Variants in AQP4 observed in about 807,000 individuals in gnomAD.
AQP4 encodes the protein aquaporin-4.
Under a neutral mutation model 27.8 loss-of-function variants are expected in AQP4, and 18 were observed. The observed-to-expected ratio is 0.65, with a 90% confidence interval of 0.45 to 0.96. The LOEUF is 0.96. Ranked by LOEUF, AQP4 falls within the 40% of genes least tolerant of loss-of-function variation. The pLI, the probability that AQP4 is intolerant of heterozygous loss-of-function variation, is 0.00. For missense variants in AQP4, 412 were observed against 408.2 expected (o/e 1.01, Z -0.08); for synonymous variants, 141 against 142.9 (o/e 0.99, Z 0.10).
chr18:26,861,719 T>C (rs2054948506), intron 2 of AQP4, among the ~76,000 whole-genome samples: 1 of 152,220 alleles, frequency 6.6e-6, no homozygotes, highest in South Asian at 2.1e-4. Context: ...TCAGCCCTGG[T>C]GCTGAGTTAA....
At chr18:26,862,694 A>G in intron 1 of AQP4, 98 bp from the exon 2 acceptor site, 1 of 1,525,668 alleles carries the variant, frequency 6.6e-7, no homozygotes, top group Non-Finnish European at 9.0e-7. Flanking sequence ...TACTGTGGGC[A>G]GGGGCTGCCA....
Position 26,853,423 on chromosome 18 carries a change from ACT to A in AQP4, c.*2786_*2787del, listed in dbSNP as rs1309000688. On this transcript the variant is annotated 3_prime_UTR_variant, in exon 5 of 5. Transcript: ENST00000383168. ...AGAAAGCCTGAAAGCTTAAAATAAG[ACT>A]CTTTCCCTTTTGTACACTTTTGACA... 1 of 152,064 alleles carries A rather than the reference ACT, an allele frequency of 6.6e-6. No homozygotes were observed. The highest frequency in any genetic ancestry group is 6.6e-5 in the Admixed American group (1 of 15,264). The allele number at this position is 152,064 out of a possible 1,614,324, so 9.4% of individuals were successfully genotyped here.
At chr18:26,860,603 C>T in intron 4 of AQP4, 169 bp downstream of exon 4, 3 of 662,520 alleles carry the variant, frequency 4.5e-6, no homozygotes, top group Non-Finnish European at 8.1e-6. Context: ...CTTTTTACAG[C>T]AGATCTGTGC....
intron 4 of AQP4, among the ~76,000 whole-genome samples, chr18:26,858,359 T>C (rs2054880427): frequency 6.6e-6 from 1 of 152,204 alleles, no homozygotes; most frequent in Non-Finnish European, 1.5e-5. Context: ...TTTTCCACTG[T>C]ACTACACACT....
At chr18:26,865,637 T>C (rs761398010) in intron 1 of AQP4, 21 bp downstream of exon 1, 4 of 1,614,216 alleles carry the variant, frequency 2.5e-6, no homozygotes, top group Non-Finnish European at 3.4e-6. Flanking sequence ...CGTTGTTCCC[T>C]TAAGGCAAAG....
intron 1 of AQP4, 78 bp downstream of exon 1, chr18:26,865,580 C>A: frequency 6.3e-7 from 1 of 1,595,184 alleles, no homozygotes; most frequent in Non-Finnish European, 8.6e-7. Context: ...CCTAAGAAGG[C>A]ACAAACATCT....
chr18:26,860,352 T>C (rs2054919152), intron 4 of AQP4, among the ~76,000 whole-genome samples: 1 of 152,186 alleles, frequency 6.6e-6, no homozygotes, highest in African/African-American at 2.4e-5. Flanking sequence ...AAGTATTTCA[T>C]TCTTTCTCTT....
chr18:26,859,675 C>T (rs992982394), intron 4 of AQP4, among the ~76,000 whole-genome samples: 1 of 152,174 alleles, frequency 6.6e-6, no homozygotes, highest in Non-Finnish European at 1.5e-5. Context: ...AACGCTGACT[C>T]TTATTCTGTT....
chr18:26,862,638 A>G (rs2144970269), intron 1 of AQP4, 42 bp from the exon 2 acceptor site: 1 of 1,613,544 alleles, frequency 6.2e-7, no homozygotes, highest in Non-Finnish European at 8.5e-7. Flanking sequence ...CACTACACCC[A>G]GGTTTATGAA....
chr18:26,859,489 C>G lies in AQP4; in HGVS notation c.693+1283G>C, dbSNP rs544102625. ...CAAGCCGAGATCATGCCACTGCACT[C>G]CAGCCTGGGCAACAGAGCAAGACTC... On this transcript the variant is annotated intron_variant, in intron 4 of 4. Coordinates refer to ENST00000383168, the MANE Select transcript of AQP4 (RefSeq NM_001650.7). 2.0e-5 allele frequency among the ~76,000 whole-genome samples: 3 copies of G among 152,316 alleles called. No individual in the cohort carries two copies. The South Asian group carries it at 6.2e-4, about 32-fold the overall frequency.
chr18:26,858,674 C>CTA (rs1270379309), intron 4 of AQP4, among the ~76,000 whole-genome samples: 1 of 152,180 alleles, frequency 6.6e-6, no homozygotes, highest in Admixed American at 6.5e-5. Flanking sequence ...ATTCCACAGG[C>CTA]TACAAATCCC....
intron 1 of AQP4, chr18:26,862,847 G>A: frequency 2.7e-5 from 15 of 558,982 alleles, no homozygotes; most frequent in South Asian, 1.1e-4. Context: ...TCCCTAGAAA[G>A]GAAAAATGTC....
chr18:26,860,627 G>T, intron 4 of AQP4, 145 bp downstream of exon 4: 1 of 767,792 alleles, frequency 1.3e-6, no homozygotes, highest in Non-Finnish European at 2.3e-6. Flanking sequence ...TCTTTCCCTA[G>T]TCTTTATGAA....
At chr18:26,865,321 A>G (rs2055039415) in intron 1 of AQP4, 1 of 431,600 alleles carries the variant, frequency 2.3e-6, no homozygotes, top group South Asian at 2.3e-5. Context: ...TTCTAGCTGA[A>G]CACTCAGCTT....
chr18:26,859,317 C>T (rs553871824), intron 4 of AQP4, among the ~76,000 whole-genome samples: 6 of 152,080 alleles, frequency 3.9e-5, no homozygotes, highest in South Asian at 2.1e-4. Context: ...GTCAGGAGTT[C>T]GAGACTAGCC....
rs529673995 is a variant in AQP4, at chr18:26,852,153, A to T, written c.*4058T>A. On this transcript the variant is annotated 3_prime_UTR_variant, in exon 5 of 5. Coordinates refer to ENST00000383168, the MANE Select transcript of AQP4 (RefSeq NM_001650.7). ...CTAATACTTTAATATATTATTCCAA[A>T]TATTAGACGTTACAGTTTAAATCTT... is the stretch of plus-strand genomic sequence containing the variant. The T allele has an allele frequency of 6.6e-6, 1 of 152,226 alleles. No homozygotes were observed. Among genetic ancestry groups the T allele is most frequent in the Non-Finnish European group, 1.5e-5 (1 of 68,042 alleles). 9.4% of individuals were successfully genotyped at this position (152,226 alleles called of 1,614,324 possible).
rs1378223458 is a variant in AQP4 at position 26,854,023 on chromosome 18, T to TTAA, written c.*2185_*2187dup. ...CTCAAATGAGATTTATATATTTTTA[T>TTAA]TAATTAACACACTTGTTTTGAATAC... On this transcript the variant is annotated 3_prime_UTR_variant, in exon 5 of 5. Coordinates refer to ENST00000383168, the MANE Select transcript of AQP4 (RefSeq NM_001650.7). 1.3e-5 allele frequency: 2 copies of TTAA among 152,206 alleles called. No individual in the cohort carries two copies. The highest frequency in any genetic ancestry group is 4.8e-5 in the African/African-American group (2 of 41,462). The allele number at this position is 152,206 out of a possible 1,614,324, so 9.4% of individuals were successfully genotyped here. A position where few individuals can be genotyped will look rare whatever the true frequency, so the allele number is the denominator to read the frequency against.
chr18:26,865,378 A>C (rs2144979679), intron 1 of AQP4: 1 of 549,042 alleles, frequency 1.8e-6, no homozygotes, highest in East Asian at 3.2e-5. Context: ...ATTTTTCCGA[A>C]GAAATGTACT....
chr18:26,858,354 C>A (rs1328620982), intron 4 of AQP4, among the ~76,000 whole-genome samples: 1 of 152,120 alleles, frequency 6.6e-6, no homozygotes, highest in Admixed American at 6.5e-5. Context: ...TACTGTTTTC[C>A]ACTGTACTAC....
Sources: gnomAD v4.1 joint callset for allele counts (sites outside exome capture counted in the v4.1 genomes callset) on GRCh38, gnomAD v4.1.1 for gene constraint, MANE v1.5 for transcripts, NCBI Gene and HGNC (gene_info 2026-07-23, HGNC 2026-07-21) for gene names.